Variants in XKR9 observed in about 807,000 individuals in gnomAD.
XKR9 encodes XK related 9, also known as XK-related protein 9.
Under a neutral mutation model 32.0 loss-of-function variants are expected in XKR9, and 32 were observed. That is an observed-to-expected ratio of 1.00 (90% CI 0.76 to 1.34). The LOEUF is 1.34. Among genes scored for constraint, XKR9 ranks in the 40% most tolerant of loss-of-function variants. The pLI is 0.00. For missense variants in XKR9, 546 were observed against 429.7 expected (o/e 1.27, Z -2.39); for synonymous variants, 168 against 143.4 (o/e 1.17, Z -1.22).
chr8:70,729,092 C>T (rs1038694769), intron 4 of XKR9, among the ~76,000 whole-genome samples: 1 of 152,054 alleles, frequency 6.6e-6, no homozygotes, highest in Non-Finnish European at 1.5e-5. Context: ...AAGTCAACCT[C>T]GATTATTTAA....
At chr8:71,029,899 C>A in the XKR9 span, among the ~76,000 whole-genome samples, 3 of 151,732 alleles carry the variant, frequency 2.0e-5, no homozygotes, top group African/African-American at 7.3e-5. Context: ...ATCAGCATTG[C>A]CAAATGGGAC....
chr8:70,846,818 C>T, the XKR9 span, among the ~76,000 whole-genome samples: 1 of 151,920 alleles, frequency 6.6e-6, no homozygotes, highest in Non-Finnish European at 1.5e-5. Context: ...TATATATGCA[C>T]TTAATACCAG....
At chr8:70,776,947 C>CTATATATATATATATA (rs1554556847) in intron 2 of XKR9, among the ~76,000 whole-genome samples, 5 of 54,200 alleles carry the variant, frequency 9.2e-5, no homozygotes, top group Admixed American at 2.5e-4. Flanking sequence ...CTCTCTCTCT[C>CTATATATATATATATA]TATATATATA....
At chr8:70,777,872 G>A (rs981591843) in intron 2 of XKR9, among the ~76,000 whole-genome samples, 15 of 152,122 alleles carry the variant, frequency 9.9e-5, no homozygotes, top group Non-Finnish European at 1.8e-4. Context: ...CAGATGGATA[G>A]ATGGCAAACA....
At chr8:70,889,232 A>G in the XKR9 span, among the ~76,000 whole-genome samples, 2 of 151,546 alleles carry the variant, frequency 1.3e-5, no homozygotes, top group Non-Finnish European at 3.0e-5. Context: ...TGGGATCGCC[A>G]TCTTGATTTC....
chr8:70,669,739 T>C (rs1425389808), intron 1 of XKR9, among the ~76,000 whole-genome samples: 1 of 146,252 alleles, frequency 6.8e-6, no homozygotes, highest in African/African-American at 2.5e-5. Context: ...CGATCTCGGC[T>C]CACTGCAAGC....
At chr8:70,941,546 G>A in the XKR9 span, among the ~76,000 whole-genome samples, 3 of 152,022 alleles carry the variant, frequency 2.0e-5, no homozygotes, top group Non-Finnish European at 2.9e-5. Flanking sequence ...CCTTAAGAAA[G>A]CAAAGACCTG....
At chr8:70,990,733 A>AAGAGAGAGAGAGAGAGAGAG in the XKR9 span, among the ~76,000 whole-genome samples, 14 of 143,178 alleles carry the variant, frequency 9.8e-5, no homozygotes, top group Middle Eastern at 3.3e-3. Context: ...TTGGCAGAAT[A>AAGAGAGAGAGAGAGAGAGAG]AGAGAGAGAG....
chr8:70,863,894 C>G, the XKR9 span, among the ~76,000 whole-genome samples: 1 of 152,156 alleles, frequency 6.6e-6, no homozygotes, highest in Non-Finnish European at 1.5e-5. Context: ...AATTACTATA[C>G]CAATGTAGTA....
At chr8:70,778,974 T>C (rs911388079) in intron 2 of XKR9, among the ~76,000 whole-genome samples, 1 of 152,220 alleles carries the variant, frequency 6.6e-6, no homozygotes, top group Non-Finnish European at 1.5e-5. Flanking sequence ...GGCCAGAACT[T>C]CCAACACTAT....
the XKR9 span, among the ~76,000 whole-genome samples, chr8:70,930,083 G>A: frequency 1.3e-5 from 2 of 152,250 alleles, no homozygotes; most frequent in South Asian, 4.1e-4. Flanking sequence ...CTTGTAGTGG[G>A]TAGAATAATG....
the XKR9 span, among the ~76,000 whole-genome samples, chr8:70,801,923 T>C: frequency 7.2e-5 from 11 of 151,938 alleles, no homozygotes; most frequent in African/African-American, 2.7e-4. Flanking sequence ...AATGCTCTTC[T>C]TTTTCTTTTT....
At chr8:70,779,660 A>T (rs1364034282) in intron 2 of XKR9, among the ~76,000 whole-genome samples, 1 of 152,030 alleles carries the variant, frequency 6.6e-6, no homozygotes, top group African/African-American at 2.4e-5. Flanking sequence ...CAGAGATTTG[A>T]CTTCTTCCTG....
chr8:70,797,882 T>A, the XKR9 span, among the ~76,000 whole-genome samples: 5 of 152,240 alleles, frequency 3.3e-5, no homozygotes, highest in East Asian at 9.7e-4. Context: ...AAGGATATGA[T>A]TTTGTTCTTT....
At chr8:71,024,959 C>G in the XKR9 span, among the ~76,000 whole-genome samples, 1 of 152,154 alleles carries the variant, frequency 6.6e-6, no homozygotes, top group Non-Finnish European at 1.5e-5. Flanking sequence ...TCTTGAAGCC[C>G]CTATAATAAT....
At chr8:70,687,293 G>T (rs268637) in intron 3 of XKR9, among the ~76,000 whole-genome samples, 54,271 of 147,788 alleles carry the variant, frequency 0.37, 10,148 homozygotes, top group East Asian at 0.67. Flanking sequence ...GAAAATGACA[G>T]GATTTCTTTC....
the XKR9 span, among the ~76,000 whole-genome samples, chr8:70,969,373 A>G: frequency 6.6e-6 from 1 of 152,210 alleles, no homozygotes; most frequent in Non-Finnish European, 1.5e-5. Flanking sequence ...ACGTGGATCA[A>G]AATGATTTTC....
chr8:70,740,553 G>T (rs1242118675), downstream of XKR9, among the ~76,000 whole-genome samples: 1 of 146,062 alleles, frequency 6.8e-6, no homozygotes, highest in Non-Finnish European at 1.5e-5. Flanking sequence ...GCTTTTTAGA[G>T]TTTCCAGTTT....
the XKR9 span, among the ~76,000 whole-genome samples, chr8:70,849,714 A>G: frequency 6.6e-6 from 1 of 152,148 alleles, no homozygotes; most frequent in Non-Finnish European, 1.5e-5. Flanking sequence ...AAATAGATAG[A>G]CCACTAGCCA....
Sources: gnomAD v4.1 joint callset for allele counts (sites outside exome capture counted in the v4.1 genomes callset) on GRCh38, gnomAD v4.1.1 for gene constraint, MANE v1.5 for transcripts, NCBI Gene and HGNC (gene_info 2026-07-23, HGNC 2026-07-21) for gene names.